EDARADD: variants seen among roughly 807,000 people sequenced by gnomAD.
EDARADD encodes EDAR associated via death domain.
A neutral mutation model predicts 25.6 loss-of-function variants in EDARADD; 20 were observed. The observed-to-expected ratio is 0.78, with a 90% CI of 0.55 to 1.14. The LOEUF (loss-of-function observed/expected upper bound fraction) is 1.14, where lower values mean the gene tolerates loss of function less well. Ranked by LOEUF, EDARADD falls within the 50% of genes most tolerant of loss-of-function variation. EDARADD has a pLI of 0.00. For synonymous variants in EDARADD, 86 were observed against 94.4 expected (o/e 0.91, Z 0.52); for missense variants, 225 against 270.1 (o/e 0.83, Z 1.17).
chr1:236,428,659 C>T (rs1368649836), intron 4 of EDARADD, among the ~76,000 whole-genome samples: 1 of 130,432 alleles, frequency 7.7e-6, no homozygotes, highest in African/African-American at 2.7e-5. Flanking sequence ...GACGGGATGG[C>T]GGCCGGGAAG....
intron 3 of EDARADD, among the ~76,000 whole-genome samples, chr1:236,367,144 G>GTT (rs79419608): frequency 6.7e-6 from 1 of 148,774 alleles, no homozygotes. Context: ...GATCTTCCCT[G>GTT]TTTTTTGGGT....
At chr1:236,479,888 A>G (rs1259501874) in intron 5 of EDARADD, among the ~76,000 whole-genome samples, 1 of 142,262 alleles carries the variant, frequency 7.0e-6, no homozygotes, top group East Asian at 2.0e-4. Context: ...CTCCACAAAA[A>G]AATTTAAAAA....
upstream of EDARADD, among the ~76,000 whole-genome samples, chr1:236,390,740 C>T (rs1411390298): frequency 6.6e-6 from 1 of 152,140 alleles, no homozygotes; most frequent in Non-Finnish European, 1.5e-5. Context: ...CCATCCTACA[C>T]ACAGCTGCTG....
intron 1 of EDARADD, among the ~76,000 whole-genome samples, chr1:236,403,058 C>G (rs143770420): frequency 1.3e-5 from 2 of 151,906 alleles, no homozygotes; most frequent in African/African-American, 4.8e-5. Flanking sequence ...TGGGTTCAAG[C>G]GATTCTCCTG....
chr1:236,363,006 A>AAAAAAAAAAAAAATAT (rs1377112051), intron 3 of EDARADD, among the ~76,000 whole-genome samples: 5 of 42,946 alleles, frequency 1.2e-4, no homozygotes, highest in African/African-American at 5.5e-4. Context: ...AAAAAAAAAA[A>AAAAAAAAAAAAAATAT]ATATATATAT....
In EDARADD at chr1:236,483,938, C is replaced by G; in HGVS notation, c.*1289C>G. On this transcript the variant is annotated 3_prime_UTR_variant, in exon 6 of 6. Transcript: ENST00000334232. ...AGTTCTTCAGGTCTGGAAAGTATGA[C>G]CTGGAATTCAAGTTTCTCGACGACC... 2.2e-6 allele frequency: 3 copies of G among 1,371,922 alleles called. No homozygotes were observed. The highest frequency in any genetic ancestry group is 3.1e-6 in the Non-Finnish European group (3 of 961,996). The allele number at this position is 1,371,922 out of a possible 1,614,324, so 85.0% of individuals were successfully genotyped here. A position where few individuals can be genotyped will look rare whatever the true frequency, so the allele number is the denominator to read the frequency against.
intron 1 of EDARADD, among the ~76,000 whole-genome samples, chr1:236,407,315 C>T (rs147885003): frequency 1.4e-3 from 208 of 152,322 alleles, no homozygotes; most frequent in African/African-American, 4.7e-3. Context: ...CCTTCATGCT[C>T]TGCAGATGTC....
intron 2 of EDARADD, among the ~76,000 whole-genome samples, chr1:236,349,826 G>T (rs1362281572): frequency 6.6e-6 from 1 of 152,100 alleles, no homozygotes; most frequent in Non-Finnish European, 1.5e-5. Context: ...GTGGGGGAGG[G>T]TGGTGGCAGG....
At position 236,440,215 on chromosome 1, in the gene EDARADD, A is replaced by G. The variant is rs1004859135; in HGVS notation, c.219+12765A>G. ...GTTCTGTATTCTGTTTCATTCATCT[A>G]TTTTGCTTTTATTTGTCTCTTGTTT... On this transcript the variant is annotated intron_variant, in intron 4 of 5. Coordinates refer to ENST00000334232, the MANE Select transcript of EDARADD (RefSeq NM_145861.4). Among the ~76,000 whole-genome samples, 4 of 151,760 alleles carry G rather than the reference A, an allele frequency of 2.6e-5. No individual in the cohort carries two copies. The South Asian group carries it at 6.2e-4, about 24-fold the overall frequency.
chr1:236,453,428 C>T (rs867133890), intron 4 of EDARADD, among the ~76,000 whole-genome samples: 3 of 151,950 alleles, frequency 2.0e-5, no homozygotes, highest in Admixed American at 6.6e-5. Flanking sequence ...AGGCGCGCAC[C>T]ACCGTGCCAA....
At chr1:236,439,925 C>T (rs994728294) in intron 4 of EDARADD, among the ~76,000 whole-genome samples, 1 of 151,978 alleles carries the variant, frequency 6.6e-6, no homozygotes, top group African/African-American at 2.4e-5. Context: ...ATTGTCATGC[C>T]CAAGGTTAAC....
chr1:236,445,824 A>T (rs1658521953), intron 4 of EDARADD, among the ~76,000 whole-genome samples: 1 of 152,208 alleles, frequency 6.6e-6, no homozygotes, highest in Non-Finnish European at 1.5e-5. Flanking sequence ...TTCATGTTCC[A>T]GAAGAACGAA....
At chr1:236,420,464 C>T (rs1014760473) in intron 3 of EDARADD, among the ~76,000 whole-genome samples, 3 of 152,166 alleles carry the variant, frequency 2.0e-5, no homozygotes, top group African/African-American at 7.2e-5. Flanking sequence ...ACCATCTTCA[C>T]CACAGGTGGG....
rs112023652 is a variant in EDARADD at position 236,458,106 on chromosome 1, A to G, written c.220-10125A>G. 7.9e-4 allele frequency among the ~76,000 whole-genome samples: 120 copies of G among 152,344 alleles called. 2 individuals are homozygous for G. Among genetic ancestry groups the G allele is most frequent in the African/African-American group, 2.8e-3 (117 of 41,574 alleles). ...AGCTCTCACACATAGTTGAGAGTGT[A>G]AATTGATACAACTTTATGGAAAATT... is the stretch of plus-strand genomic sequence containing the variant. On this transcript the variant is annotated intron_variant, in intron 4 of 5. Coordinates refer to ENST00000334232, the MANE Select transcript of EDARADD (RefSeq NM_145861.4).
In EDARADD at chr1:236,350,511, G is replaced by C. The variant is rs552619809; in HGVS notation, c.-141-193G>C. ...GCTGGTCTCGCACTCCTGACCTCAG[G>C]TCATCCTCCCGCCTCGGCCTCCCAA... On this transcript the variant is annotated intron_variant, in intron 2 of 7. Transcript: ENST00000439430. 3.9e-5 allele frequency among the ~76,000 whole-genome samples: 6 copies of C among 152,302 alleles called. No individual in the cohort carries two copies. The South Asian group carries it at 1.2e-3, about 32-fold the overall frequency.
Position 236,483,315 on chromosome 1 carries a change from G to A in EDARADD, c.*666G>A. On this transcript the variant is annotated 3_prime_UTR_variant, in exon 6 of 6. Transcript: ENST00000334232. Reference sequence around the variant, plus strand: ...TATCTATGAGGTCCTAGAGCTCCAGGACAATGATAAGACTCGCTATATGGG... The same window carrying A: ...TATCTATGAGGTCCTAGAGCTCCAGAACAATGATAAGACTCGCTATATGGG... 1 of 1,598,460 alleles carries A rather than the reference G, an allele frequency of 6.3e-7. No individual in the cohort carries two copies. Among genetic ancestry groups the A allele is most frequent in the Non-Finnish European group, 8.6e-7 (1 of 1,168,458 alleles).
At chr1:236,479,635 T>C (rs1659610571) in intron 5 of EDARADD, among the ~76,000 whole-genome samples, 2 of 152,036 alleles carry the variant, frequency 1.3e-5, no homozygotes, top group Non-Finnish European at 2.9e-5. Flanking sequence ...TTCTACTCCA[T>C]GCTCCCCATG....
intron 3 of EDARADD, among the ~76,000 whole-genome samples, chr1:236,380,422 T>G (rs948823921): frequency 1.3e-5 from 2 of 152,114 alleles, no homozygotes; most frequent in East Asian, 3.8e-4. Flanking sequence ...GGGAAATTTT[T>G]TAGGTGACTA....
intron 4 of EDARADD, among the ~76,000 whole-genome samples, chr1:236,428,749 GCTGCAATCTC>G: frequency 6.7e-6 from 1 of 150,164 alleles, no homozygotes; most frequent in South Asian, 2.1e-4. Context: ...CCGGGCAGAG[GCTGCAATCTC>G]GGCACTTTGG....
Sources: allele counts gnomAD v4.1 joint callset (sites outside exome capture counted in the v4.1 genomes callset), GRCh38; gene constraint gnomAD v4.1.1; transcripts MANE v1.5; gene names NCBI Gene and HGNC (gene_info 2026-07-23, HGNC 2026-07-21).